Variants in CSMD1 observed in about 807,000 individuals in gnomAD.
CSMD1 encodes CUB and Sushi multiple domains 1, also known as CUB and sushi domain-containing protein 1.
A neutral mutation model predicts 417.5 loss-of-function variants in CSMD1; 213 were observed. The observed-to-expected ratio is 0.51, with a 90% CI of 0.46 to 0.57. CSMD1 has a LOEUF of 0.57. CSMD1 is among the 20% of genes least tolerant of loss of function. The pLI is 0.00. For missense variants in CSMD1, 6,923 were observed against 4,529.7 expected, an observed-to-expected ratio of 1.53 and a Z score of -15.17; for synonymous variants, 2,862 against 1,736.8, an observed-to-expected ratio of 1.65 and a Z score of -16.11.
chr8:4,572,525 C>G (rs1798939142), intron 2 of CSMD1, among the ~76,000 whole-genome samples: 1 of 152,156 alleles, frequency 6.6e-6, no homozygotes, highest in African/African-American at 2.4e-5. Context: ...GGTAACCCAA[C>G]CTTTCTCTCT....
chr8:4,622,230 C>T (rs1225072494), intron 2 of CSMD1, among the ~76,000 whole-genome samples: 1 of 150,188 alleles, frequency 6.7e-6, no homozygotes, highest in Admixed American at 6.6e-5. Flanking sequence ...GAGGCTCAGG[C>T]AGAGTACTCA....
intron 2 of CSMD1, among the ~76,000 whole-genome samples, chr8:4,606,794 C>A (rs77965869): frequency 1.3e-5 from 2 of 152,152 alleles, no homozygotes; most frequent in African/African-American, 2.4e-5. Flanking sequence ...AGGGGAGTAT[C>A]ATTTCTCCCC....
chr8:3,763,704 T>C (rs534471369), intron 5 of CSMD1, among the ~76,000 whole-genome samples: 11 of 152,164 alleles, frequency 7.2e-5, no homozygotes, highest in South Asian at 4.1e-4. Context: ...AACAGTGTCA[T>C]AGTTGGATAA....
chr8:4,014,286 G>C (rs1334737231), intron 4 of CSMD1, among the ~76,000 whole-genome samples: 1 of 152,108 alleles, frequency 6.6e-6, no homozygotes, highest in Non-Finnish European at 1.5e-5. Flanking sequence ...ACTAATTATG[G>C]CATTGCGTGT....
chr8:4,176,289 A>T (rs1387545056), intron 3 of CSMD1, among the ~76,000 whole-genome samples: 1 of 152,106 alleles, frequency 6.6e-6, no homozygotes, highest in East Asian at 1.9e-4. Context: ...ACAAAATTCT[A>T]TAGCAAGTGT....
intron 1 of CSMD1, among the ~76,000 whole-genome samples, chr8:4,951,357 T>A (rs1808733024): frequency 6.6e-6 from 1 of 152,050 alleles, no homozygotes; most frequent in South Asian, 2.1e-4. Context: ...TCTCTGCTCT[T>A]AATTGCTAAT....
chr8:3,226,380 C>T (rs1007211347), intron 27 of CSMD1, among the ~76,000 whole-genome samples: 3 of 151,908 alleles, frequency 2.0e-5, no homozygotes, highest in Non-Finnish European at 2.9e-5. Context: ...GGCAGGAGTT[C>T]GAGACCAGTC....
At chr8:3,834,285 G>T (rs189052405) in intron 5 of CSMD1, among the ~76,000 whole-genome samples, 78 of 152,120 alleles carry the variant, frequency 5.1e-4, no homozygotes, top group African/African-American at 1.6e-3. Flanking sequence ...TCTTCCAACT[G>T]ACATTCCATG....
At position 4,559,181 on chromosome 8, in the gene CSMD1, G is replaced by A. The variant is rs192392538; in HGVS notation, c.302+78161C>T. Among the ~76,000 whole-genome samples, 235 of 152,210 alleles carry A rather than the reference G, an allele frequency of 1.5e-3. 1 individual carries two copies. The highest frequency in any genetic ancestry group is 2.9e-3 in the Non-Finnish European group (199 of 68,020). The stretch of plus-strand genomic sequence containing the variant: ...GGTCTTTGTATTATTGTCAACTTAT[G>A]AGCATATGCTGGCTTTAGTCTCTTA... On this transcript the variant is annotated intron_variant, in intron 2 of 69. Coordinates refer to ENST00000635120, the MANE Select transcript of CSMD1 (RefSeq NM_033225.6).
chr8:3,694,152 G>T (rs570704660), intron 7 of CSMD1, among the ~76,000 whole-genome samples: 1 of 151,958 alleles, frequency 6.6e-6, no homozygotes, highest in Non-Finnish European at 1.5e-5. Context: ...TGTACATGCT[G>T]GAGAGGGGCT....
intron 2 of CSMD1, among the ~76,000 whole-genome samples, chr8:4,435,593 C>T (rs1188016730): frequency 6.6e-6 from 1 of 152,216 alleles, no homozygotes; most frequent in African/African-American, 2.4e-5. Flanking sequence ...ATCATGGAAT[C>T]TGCTCTTCAC....
At position 3,420,352 on chromosome 8, in the gene CSMD1, G is replaced by A. The variant is rs1563370891; in HGVS notation, c.1562-10747C>T. On this transcript the variant is annotated intron_variant, in intron 12 of 69. Coordinates refer to ENST00000635120, the MANE Select transcript of CSMD1 (RefSeq NM_033225.6). ...AAGGAAAGGCAGTAACAATTCAGAG[G>A]GACCAGATGAGGCAAGACAATTAAC... Among the ~76,000 whole-genome samples the A allele has an allele frequency of 2.6e-5, 4 of 151,470 alleles. No individual in the cohort carries two copies. The South Asian group carries it at 8.4e-4, about 32-fold the overall frequency.
chr8:4,779,784 T>G (rs1797055833), intron 1 of CSMD1, among the ~76,000 whole-genome samples: 1 of 152,192 alleles, frequency 6.6e-6, no homozygotes, highest in Non-Finnish European at 1.5e-5. Context: ...AGAGCCCTTT[T>G]GGCAATGACG....
At chr8:4,328,350 C>A (rs1337435561) in intron 3 of CSMD1, among the ~76,000 whole-genome samples, 1 of 147,354 alleles carries the variant, frequency 6.8e-6, no homozygotes, top group African/African-American at 2.5e-5. Flanking sequence ...TTCTCTCTTT[C>A]TTAGTGCACA....
chr8:4,703,477 T>C (rs991483963), intron 1 of CSMD1, among the ~76,000 whole-genome samples: 5 of 152,108 alleles, frequency 3.3e-5, no homozygotes, highest in African/African-American at 4.8e-5. Flanking sequence ...ATGGATAATT[T>C]GTAATTATTT....
intron 5 of CSMD1, among the ~76,000 whole-genome samples, chr8:3,766,017 C>T (rs956981971): frequency 1.3e-5 from 2 of 152,232 alleles, no homozygotes; most frequent in African/African-American, 4.8e-5. Flanking sequence ...GAGGATGTGA[C>T]AAAGCCCATC....
intron 3 of CSMD1, among the ~76,000 whole-genome samples, chr8:4,110,776 C>T (rs1034990670): frequency 6.6e-6 from 1 of 151,986 alleles, no homozygotes; most frequent in Admixed American, 6.6e-5. Context: ...GACATTCAAA[C>T]GAGAGATATT....
At chr8:3,639,224 T>C (rs1424469793) in intron 7 of CSMD1, among the ~76,000 whole-genome samples, 1 of 152,230 alleles carries the variant, frequency 6.6e-6, no homozygotes, top group South Asian at 2.1e-4. Flanking sequence ...GGTCTCTCTG[T>C]TGGACTAGTC....
intron 2 of CSMD1, among the ~76,000 whole-genome samples, chr8:4,511,090 C>G (rs1476840639): frequency 6.6e-6 from 1 of 152,108 alleles, no homozygotes. Context: ...TCAGCACTCT[C>G]CTGTTCAATT....
Sources: allele counts gnomAD v4.1 joint callset (sites outside exome capture counted in the v4.1 genomes callset), GRCh38; gene constraint gnomAD v4.1.1; transcripts MANE v1.5; gene names NCBI Gene and HGNC (gene_info 2026-07-23, HGNC 2026-07-21).